SLC47A1: variants seen among roughly 807,000 people sequenced by gnomAD.
SLC47A1 encodes solute carrier family 47 member 1, also known as multidrug and toxin extrusion protein 1.
In SLC47A1, 58 loss-of-function variants were observed where a neutral mutation model predicts 65.8. That is an observed-to-expected ratio of 0.88 (90% CI 0.71 to 1.10). The LOEUF (loss-of-function observed/expected upper bound fraction) is 1.10. Among genes scored for constraint, SLC47A1 ranks in the 50% least tolerant of loss-of-function variants. The probability of loss-of-function intolerance (pLI) is 0.00; values close to 1 mark genes in which losing one functional copy is unlikely to be tolerated. For missense variants in SLC47A1, 706 were observed against 719.2 expected (o/e 0.98, Z 0.21); for synonymous variants, 285 against 295.0 (o/e 0.97, Z 0.35).
intron 2 of SLC47A1, among the ~76,000 whole-genome samples, chr17:19,544,174 G>A (rs1249189738): frequency 6.6e-6 from 1 of 152,140 alleles, no homozygotes; most frequent in Non-Finnish European, 1.5e-5. Context: ...TTGAACTCCT[G>A]ACCTCGTGAT....
chr17:19,571,590 G>A lies in SLC47A1; in HGVS notation c.1404+18G>A, dbSNP rs2084400479. On this transcript the variant is annotated intron_variant, in intron 15 of 16. Coordinates refer to ENST00000270570, the MANE Select transcript of SLC47A1 (RefSeq NM_018242.3). ...GTCAGCAGGTAACTATGTTCATTCTGTCCCGGTAAAGGTTCCTCTCCTAGA... is the reference window on the plus strand; with the variant it reads ...GTCAGCAGGTAACTATGTTCATTCTATCCCGGTAAAGGTTCCTCTCCTAGA... 6.3e-7 allele frequency: 1 copy of A among 1,598,000 alleles called. No individual in the cohort carries two copies. Among genetic ancestry groups the A allele is most frequent in the East Asian group, 2.2e-5 (1 of 44,790 alleles).
intron 1 of SLC47A1, among the ~76,000 whole-genome samples, chr17:19,537,224 C>T (rs774947456): frequency 1.3e-4 from 20 of 152,088 alleles, no homozygotes; most frequent in Non-Finnish European, 2.5e-4. Context: ...AAGGAGCTGG[C>T]GGACCTTCTA....
chr17:19,549,543 A>T, intron 4 of SLC47A1, 92 bp from the exon 5 acceptor site: 1 of 1,316,580 alleles, frequency 7.6e-7, no homozygotes, highest in Non-Finnish European at 1.1e-6. Flanking sequence ...AGAATGGAAA[A>T]GGCAGTTTTA....
At chr17:19,542,247 T>C (rs1916168989) in intron 1 of SLC47A1, 146 bp from the exon 2 acceptor site, 1 of 474,452 alleles carries the variant, frequency 2.1e-6, no homozygotes, top group Non-Finnish European at 3.7e-6. Context: ...AAATTGTACA[T>C]TTGCCTGTGA....
In SLC47A1 at chr17:19,555,619, C is replaced by G; in HGVS notation, c.668C>G (p.Ser223Cys). ...VIGSALANLI[S>C]QYTLALLLFL... ...GGCTCTGCACTGGCAAACTTGATTT[C>G]CCAGTACACCCTGGCTCTACTCCTC... Residue 223 changes from serine (S) to cysteine (C), a missense_variant, in exon 8 of 17, where the codon TCC becomes TGC. Ser to Cys is a moderately radical substitution (Grantham distance 112). Coordinates refer to ENST00000270570, the MANE Select transcript of SLC47A1 (RefSeq NM_018242.3). 1.2e-6 allele frequency: 2 copies of G among 1,614,068 alleles called. No homozygotes were observed. The highest frequency in any genetic ancestry group is 4.5e-5 in the East Asian group (2 of 44,884).
rs200177585 is a variant in SLC47A1 at position 19,577,423 on chromosome 17, C to G, written c.1583C>G (p.Pro528Arg). Residue 528 changes from proline to arginine, a missense_variant, in exon 17 of 17, where the codon CCG (proline) becomes CGG (arginine). Coordinates refer to ENST00000270570, the MANE Select transcript of SLC47A1 (RefSeq NM_018242.3). ...CAGATGCGCCAAGAAGAACCTTTGC[C>G]GGAACATCCACAGGACGGCGCTAAA... ...DQQMRQEEPL[P>R]EHPQDGAKLS... The G allele has an allele frequency of 2.5e-6, 4 of 1,614,178 alleles. No individual in the cohort carries two copies. The Admixed American group carries it at 5.0e-5, about 20-fold the overall frequency.
chr17:19,569,571 C>T (rs1365905445), intron 14 of SLC47A1, among the ~76,000 whole-genome samples: 2 of 152,126 alleles, frequency 1.3e-5, no homozygotes, highest in Non-Finnish European at 2.9e-5. Context: ...TATACCTATA[C>T]AAGGTGTCTA....
chr17:19,539,672 G>A (rs1796440768), intron 1 of SLC47A1, among the ~76,000 whole-genome samples: 3 of 152,114 alleles, frequency 2.0e-5, no homozygotes, highest in Non-Finnish European at 4.4e-5. Context: ...TTTTAGTAGA[G>A]ATGGGGCTTC....
chr17:19,545,647 A>G (rs184921241), intron 2 of SLC47A1, among the ~76,000 whole-genome samples: 179 of 152,010 alleles, frequency 1.2e-3, no homozygotes, highest in African/African-American at 4.1e-3. Context: ...GCATGCCACC[A>G]TGCCTGCTAG....
In SLC47A1 at chr17:19,578,112, T is replaced by C. The variant is rs2084454967; in HGVS notation, c.*559T>C. The C allele has an allele frequency of 3.6e-6, 2 of 548,490 alleles. No homozygotes were observed. Among genetic ancestry groups the C allele is most frequent in the African/African-American group, 1.9e-5 (1 of 51,658 alleles). 34.0% of individuals were successfully genotyped at this position (548,490 alleles called of 1,614,324 possible). Reference sequence around the variant, plus strand: ...AATCCTCCTGTGTCAGCCACCAGAGTAGCTGAGACTACAGGGGTATGCCAC... The same window carrying C: ...AATCCTCCTGTGTCAGCCACCAGAGCAGCTGAGACTACAGGGGTATGCCAC... On this transcript the variant is annotated 3_prime_UTR_variant, in exon 17 of 17. Transcript: ENST00000270570.
Position 19,577,318 on chromosome 17 carries a change from T to C in SLC47A1, c.1487-9T>C, listed in dbSNP as rs2084448535. ...CCTTTTAAGCTGCTAAGTTCCTTTTTCCTCCCAGGGTGCCCTGAAAACCTT... is the reference window on the plus strand; with the variant it reads ...CCTTTTAAGCTGCTAAGTTCCTTTTCCCTCCCAGGGTGCCCTGAAAACCTT... On this transcript the variant is annotated splice_polypyrimidine_tract_variant and intron_variant, in intron 16 of 16. Coordinates refer to ENST00000270570, the MANE Select transcript of SLC47A1 (RefSeq NM_018242.3). 1.2e-6 allele frequency: 2 copies of C among 1,612,742 alleles called. No homozygotes were observed. The highest frequency in any genetic ancestry group is 4.5e-5 in the East Asian group (2 of 44,882).
At position 19,560,467 on chromosome 17, in the gene SLC47A1, C is replaced by T. The variant is rs1486814155; in HGVS notation, c.1080C>T (p.His360=). ...TCCTGCTGTTAAGCTGTAAGGATCA[C>T]GTGGGGTACATTTTTACTACCGACC... The part of the protein sequence containing the change: ...FSVLLLSCKD[H]VGYIFTTDRD... Residue 360 remains histidine, a synonymous_variant, in exon 12 of 17, where the codon CAC becomes CAT. Transcript: ENST00000270570. 4 of 1,614,164 alleles carry T rather than the reference C, an allele frequency of 2.5e-6. No homozygotes were observed. Among genetic ancestry groups the T allele is most frequent in the Non-Finnish European group, 3.4e-6 (4 of 1,180,040 alleles).
intron 16 of SLC47A1, among the ~76,000 whole-genome samples, chr17:19,574,695 T>G (rs899487067): frequency 4.0e-5 from 6 of 149,172 alleles, no homozygotes; most frequent in Non-Finnish European, 7.5e-5. Flanking sequence ...CAGTGGCTCG[T>G]TTTCACTGCA....
At chr17:19,549,768 C>A in intron 5 of SLC47A1, 91 bp downstream of exon 5, 1 of 1,358,380 alleles carries the variant, frequency 7.4e-7, no homozygotes, top group South Asian at 1.2e-5. Flanking sequence ...TTGGCTCAGT[C>A]TTAGATGATT....
At chr17:19,574,076 C>T (rs1257245989) in intron 16 of SLC47A1, among the ~76,000 whole-genome samples, 1 of 152,078 alleles carries the variant, frequency 6.6e-6, no homozygotes, top group Non-Finnish European at 1.5e-5. Context: ...GCGCCCACCA[C>T]CATACCTGGC....
rs567204213 is a variant in SLC47A1, at chr17:19,560,622, A to G, written c.1106+129A>G. The G allele has an allele frequency of 1.2e-4, 115 of 936,080 alleles. No individual in the cohort carries two copies. The Middle Eastern group carries it at 1.8e-3, about 15-fold the overall frequency. 58.0% of individuals were successfully genotyped at this position (936,080 alleles called of 1,614,324 possible). On this transcript the variant is annotated intron_variant, in intron 12 of 16. Transcript: ENST00000270570. ...GAAATCATATCAGTAAAAAGAAAAC[A>G]TCTCACTCACACCTGTAATCCCAGC...
Position 19,571,543 on chromosome 17 carries a change from C to G in SLC47A1, c.1375C>G (p.Gln459Glu). The G allele has an allele frequency of 6.2e-7, 1 of 1,613,980 alleles. No homozygotes were observed. Among genetic ancestry groups the G allele is most frequent in the Non-Finnish European group, 8.5e-7 (1 of 1,179,942 alleles). ...TGTGTGTTTTCTAGGCTTTATTATT[C>G]AGCTAAATTGGAAAAAAGCCTGTCA... ...QAVCFLGFIIQLNWKKACQQA... is the reference protein window; with the variant it reads ...QAVCFLGFIIELNWKKACQQA... Residue 459 changes from glutamine (Q) to glutamate (E), a missense_variant, in exon 15 of 17, where the codon CAG (glutamine) becomes GAG (glutamate). Coordinates refer to ENST00000270570, the MANE Select transcript of SLC47A1 (RefSeq NM_018242.3).
chr17:19,568,480 A>G (rs564890734), intron 14 of SLC47A1, among the ~76,000 whole-genome samples: 4 of 152,340 alleles, frequency 2.6e-5, no homozygotes, highest in African/African-American at 9.6e-5. Flanking sequence ...TGCAACGTGC[A>G]ATCAGTATAA....
intron 10 of SLC47A1, 67 bp from the exon 11 acceptor site, chr17:19,560,121 G>A: frequency 2.6e-6 from 3 of 1,172,766 alleles, no homozygotes; most frequent in Non-Finnish European, 3.7e-6. Flanking sequence ...GCATGAGGCT[G>A]CTTCTCTGCA....
Sources: gnomAD v4.1 joint callset for allele counts (sites outside exome capture counted in the v4.1 genomes callset) on GRCh38, gnomAD v4.1.1 for gene constraint, MANE v1.5 for transcripts, NCBI Gene and HGNC (gene_info 2026-07-23, HGNC 2026-07-21) for gene names.